FMR1: variants seen among roughly 807,000 people sequenced by gnomAD.
FMR1 encodes fragile X messenger ribonucleoprotein 1.
A neutral mutation model predicts 50.6 loss-of-function variants in FMR1; 13 were observed. The observed-to-expected ratio is 0.26, with a 90% CI of 0.17 to 0.41. The LOEUF (loss-of-function observed/expected upper bound fraction) is 0.41. Ranked by LOEUF, FMR1 falls within the 10% of genes least tolerant of loss-of-function variation. The pLI is 1.00. For missense variants in FMR1, 316 were observed against 491.3 expected, an observed-to-expected ratio of 0.64 and a Z score of 3.37; for synonymous variants, 138 against 164.1, an observed-to-expected ratio of 0.84 and a Z score of 1.22.
chrX:147,912,066 CGGCGGCGGCGGCGGA>C lies in FMR1; in HGVS notation c.-99_-85del, dbSNP rs1162637856. ...TGCGGCAGCGCGGCGGCGGCGGCGG[CGGCGGCGGCGGCGGA>C]GGCGGCGGCGGCGGCGGCGGCGGCG... On this transcript the variant is annotated 5_prime_UTR_variant, in exon 1 of 17. Transcript: ENST00000370475. 7.4e-4 allele frequency: 169 copies of C among 229,205 alleles called. 2 individuals carry two copies. Among genetic ancestry groups the C allele is most frequent in the Non-Finnish European group, 7.4e-4 (123 of 166,021 alleles). The allele number at this position is 229,205 out of a possible 1,213,427, so 18.9% of individuals were successfully genotyped here.
At chrX:147,929,121 A>G (rs1402535830) in intron 5 of FMR1, among the ~76,000 whole-genome samples, 1 of 112,091 alleles carries the variant, frequency 8.9e-6, no homozygotes, top group Non-Finnish European at 1.9e-5. Context: ...AACAAATGTG[A>G]TAATTCTGTC....
chrX:147,914,727 C>T (rs1169858367), intron 1 of FMR1, among the ~76,000 whole-genome samples: 2 of 111,814 alleles, frequency 1.8e-5, no homozygotes, highest in African/African-American at 6.5e-5. Flanking sequence ...TCACGTGTAC[C>T]ACTTTATAGT....
rs781883559 is a variant in FMR1 at position 147,940,869 on chromosome X, T to C, written c.1275+207T>C. Reference sequence around the variant, plus strand: ...AATTTAAGTACCAATATACCAGTTTTCAATAAAATTTTATACTTCCCTTTA... The same window carrying C: ...AATTTAAGTACCAATATACCAGTTTCCAATAAAATTTTATACTTCCCTTTA... On this transcript the variant is annotated intron_variant, in intron 13 of 16. Transcript: ENST00000370475. 9.8e-5 allele frequency among the ~76,000 whole-genome samples: 11 copies of C among 112,100 alleles called. No homozygotes were observed. In the South Asian group the frequency reaches 3.7e-3, roughly 38 times the overall value.
intron 9 of FMR1, among the ~76,000 whole-genome samples, chrX:147,935,152 A>G (rs2124532231): frequency 8.9e-6 from 1 of 112,188 alleles, no homozygotes; most frequent in East Asian, 2.8e-4. Flanking sequence ...AACTGTGTGA[A>G]GACTCCAAGT....
intron 9 of FMR1, 115 bp from the exon 10 acceptor site, chrX:147,936,389 T>TACAC (rs2043791161): frequency 1.9e-6 from 1 of 514,500 alleles, no homozygotes; most frequent in Non-Finnish European, 3.4e-6. Flanking sequence ...ATTCAATACA[T>TACAC]ACACATACAC....
intron 9 of FMR1, among the ~76,000 whole-genome samples, chrX:147,935,797 G>A (rs782168275): frequency 8.9e-6 from 1 of 112,051 alleles, no homozygotes; most frequent in East Asian, 2.8e-4. Flanking sequence ...TTTCATTGTG[G>A]TTTTGAGTTA....
At chrX:147,947,707 G>C (rs1295870310) in intron 16 of FMR1, 13 of 102,653 alleles carry the variant, frequency 1.3e-4, no homozygotes, top group Non-Finnish European at 2.5e-4. Context: ...GAGACTGTCT[G>C]GGAAAAAAAA....
At chrX:147,948,444 C>CT (rs2044248958) in intron 16 of FMR1, 2 of 1,016,839 alleles carry the variant, frequency 2.0e-6, no homozygotes, top group Non-Finnish European at 2.5e-6. Flanking sequence ...GAGTTTTTCT[C>CT]TAACTTTGGA....
chrX:147,944,491 T>A, intron 14 of FMR1: 1 of 754,340 alleles, frequency 1.3e-6, no homozygotes, highest in Non-Finnish European at 1.6e-6. Context: ...GCTCTCTTTT[T>A]AGAGGTTTTG....
intron 1 of FMR1, among the ~76,000 whole-genome samples, chrX:147,917,580 GT>G (rs113083520): frequency 0.063 from 6,981 of 110,415 alleles, 234 homozygotes; most frequent in Middle Eastern, 0.11. Context: ...TGGAAACATT[GT>G]TTTCTTTTTC....
chrX:147,930,047 C>T lies in FMR1; in HGVS notation c.513+6C>T, dbSNP rs1388016882. 2.5e-6 allele frequency: 3 copies of T among 1,177,054 alleles called. No individual in the cohort carries two copies. The highest frequency in any genetic ancestry group is 3.5e-6 in the Non-Finnish European group (3 of 865,653). ...ATTATCAGCTTGTCATTTTGGTGAGCATTTTTGAGTTGTTTATTTTTAGTT... is the reference window on the plus strand; with the variant it reads ...ATTATCAGCTTGTCATTTTGGTGAGTATTTTTGAGTTGTTTATTTTTAGTT... On this transcript the variant is annotated splice_donor_region_variant and intron_variant, in intron 6 of 16. Coordinates refer to ENST00000370475, the MANE Select transcript of FMR1 (RefSeq NM_002024.6).
At position 147,912,233 on chromosome X, in the gene FMR1, AC is replaced by A. The variant is rs1557174026; in HGVS notation, c.51+4del. The A allele has an allele frequency of 8.6e-7, 1 of 1,158,990 alleles. No homozygotes were observed. The highest frequency in any genetic ancestry group is 1.8e-5 in the African/African-American group (1 of 55,694). ...GCTCCAATGGCGCTTTCTACAAGGT[AC>A]TTGGCTCTAGGGCAGGCCCCATCTT... On this transcript the variant is annotated splice_donor_region_variant and intron_variant, in intron 1 of 16. Transcript: ENST00000370475.
intron 9 of FMR1, among the ~76,000 whole-genome samples, chrX:147,936,099 T>A: frequency 8.9e-6 from 1 of 112,403 alleles, no homozygotes; most frequent in Admixed American, 9.4e-5. Context: ...AGTGAATATA[T>A]TTCCCATTCT....
intron 1 of FMR1, among the ~76,000 whole-genome samples, chrX:147,914,906 T>C (rs1164429081): frequency 8.9e-6 from 1 of 112,336 alleles, no homozygotes; most frequent in Non-Finnish European, 1.9e-5. Flanking sequence ...AGAATGGTAA[T>C]GAATTAACTC....
chrX:147,932,877 C>G, intron 9 of FMR1, 114 bp downstream of exon 9: 1 of 515,294 alleles, frequency 1.9e-6, no homozygotes, highest in Non-Finnish European at 3.4e-6. Flanking sequence ...TTAATTGAAA[C>G]ATAGTCTTTG....
chrX:147,937,705 G>A, intron 11 of FMR1, 105 bp downstream of exon 11: 1 of 544,975 alleles, frequency 1.8e-6, no homozygotes. Flanking sequence ...GGCTACTTAT[G>A]TTCTATTTTT....
At chrX:147,946,731 A>C (rs2044181897) in intron 16 of FMR1, among the ~76,000 whole-genome samples, 1 of 112,110 alleles carries the variant, frequency 8.9e-6, no homozygotes, top group Non-Finnish European at 1.9e-5. Context: ...TGTAACTTTT[A>C]ATTATTAAGT....
intron 2 of FMR1, among the ~76,000 whole-genome samples, chrX:147,924,344 G>C (rs184830498): frequency 2.7e-5 from 3 of 109,541 alleles, no homozygotes; most frequent in African/African-American, 1.0e-4. Context: ...GTAAAACATC[G>C]ACATTATACA....
chrX:147,949,107 A>G lies in FMR1; in HGVS notation c.*263A>G. The G allele has an allele frequency of 2.2e-6, 1 of 447,891 alleles. No individual in the cohort carries two copies. Among genetic ancestry groups the G allele is most frequent in the Non-Finnish European group, 4.1e-6 (1 of 245,861 alleles). The allele number at this position is 447,891 out of a possible 1,213,427, so 36.9% of individuals were successfully genotyped here. A position where few individuals can be genotyped will look rare whatever the true frequency, so the allele number is the denominator to read the frequency against. ...AGGGCAGATTTTAGTTTTATTTTCTAAAGTACTGAGCAGTGATATTCTTTG... is the reference window on the plus strand; with the variant it reads ...AGGGCAGATTTTAGTTTTATTTTCTGAAGTACTGAGCAGTGATATTCTTTG... On this transcript the variant is annotated 3_prime_UTR_variant, in exon 17 of 17. Transcript: ENST00000370475.
Sources: gnomAD v4.1 joint callset for allele counts (sites outside exome capture counted in the v4.1 genomes callset) on GRCh38, gnomAD v4.1.1 for gene constraint, MANE v1.5 for transcripts, NCBI Gene and HGNC (gene_info 2026-07-23, HGNC 2026-07-21) for gene names.